Variants in UTP20 observed in about 807,000 individuals in gnomAD.
The protein encoded by UTP20 is UTP20 small subunit processome component, also known as small subunit processome component 20 homolog.
UTP20 carries 164 observed loss-of-function variants against 329.5 expected under a neutral mutation model. That is an observed-to-expected ratio of 0.50 (90% CI 0.44 to 0.57). The LOEUF (loss-of-function observed/expected upper bound fraction) is 0.57. Ranked by LOEUF, UTP20 falls within the 20% of genes least tolerant of loss-of-function variation. The probability of loss-of-function intolerance (pLI) is 0.00; values close to 1 mark genes in which losing one functional copy is unlikely to be tolerated. For missense variants in UTP20, 3,055 were observed against 3,284.2 expected (o/e 0.93, Z 1.71); for synonymous variants, 1,151 against 1,159.3 (o/e 0.99, Z 0.14).
intron 18 of UTP20, 31 bp downstream of exon 18, chr12:101,308,374 T>A (rs771699864): frequency 7.2e-7 from 1 of 1,382,614 alleles, no homozygotes; most frequent in South Asian, 2.1e-5. Context: ...TTTTTCCTTT[T>A]TAATTCATGC....
chr12:101,367,914 C>T lies in UTP20; in HGVS notation c.6322C>T (p.Leu2108=), dbSNP rs1302190196. 6.2e-7 allele frequency: 1 copy of T among 1,613,692 alleles called. No individual in the cohort carries two copies. Among genetic ancestry groups the T allele is most frequent in the African/African-American group, 1.3e-5 (1 of 74,876 alleles). ...SKIKSSGECV[L]EMLDPFVSLL... The stretch of plus-strand genomic sequence containing the variant: ...GATCAAGTCTTCAGGTGAATGTGTC[C>T]TGGAAATGCTGGATCCTTTTGTGTC... The change falls in exon 48 of 62, where the codon CTG becomes TTG. Residue 2108 remains leucine (L), a synonymous_variant. Coordinates refer to ENST00000261637, the MANE Select transcript of UTP20 (RefSeq NM_014503.3).
intron 7 of UTP20, among the ~76,000 whole-genome samples, chr12:101,290,491 G>C (rs192391478): frequency 6.6e-6 from 1 of 152,276 alleles, no homozygotes; most frequent in East Asian, 1.9e-4. Context: ...TGGATGCTAG[G>C]GGGTAAGATA....
intron 41 of UTP20, among the ~76,000 whole-genome samples, chr12:101,355,916 A>C (rs576494164): frequency 1.3e-5 from 2 of 152,326 alleles, no homozygotes; most frequent in African/African-American, 4.8e-5. Context: ...CACACGTTTT[A>C]TATGAGTTTC....
chr12:101,302,421 T>G, intron 14 of UTP20, 27 bp from the exon 15 acceptor site: 1 of 1,337,082 alleles, frequency 7.5e-7, no homozygotes, highest in Non-Finnish European at 1.1e-6. Context: ...ATAAGTAATG[T>G]GGTTTCTCCT....
At chr12:101,330,293 G>A (rs1270684584) in intron 27 of UTP20, among the ~76,000 whole-genome samples, 2 of 152,150 alleles carry the variant, frequency 1.3e-5, no homozygotes, top group Admixed American at 1.3e-4. Flanking sequence ...TCCCTGGTTG[G>A]GAATGGTCTT....
rs1869263995 is a variant in UTP20 at position 101,344,759 on chromosome 12, C to CT, written c.4605+12dup. The stretch of plus-strand genomic sequence containing the variant: ...TGAAGAGCCAGACAGAGGTATATAA[C>CT]TTTGTGTTTTAGGCACTACTGTCTG... On this transcript the variant is annotated intron_variant, in intron 36 of 61. Coordinates refer to ENST00000261637, the MANE Select transcript of UTP20 (RefSeq NM_014503.3). 6.2e-7 allele frequency: 1 copy of CT among 1,611,798 alleles called. No homozygotes were observed. The highest frequency in any genetic ancestry group is 1.3e-5 in the African/African-American group (1 of 74,740).
intron 32 of UTP20, 64 bp downstream of exon 32, chr12:101,340,674 C>A (rs7977402): frequency 2.0e-6 from 2 of 1,020,148 alleles, no homozygotes; most frequent in Non-Finnish European, 3.0e-6. Flanking sequence ...GGTTTAATTG[C>A]GAGCAGCAAT....
At position 101,290,167 on chromosome 12, in the gene UTP20, A is replaced by G. The variant is rs796192637; in HGVS notation, c.628A>G (p.Met210Val). ...TGATAAAAACGCACTTTTCAATTTA[A>G]TGTTTCTTGATCTTGATAAACATCC... ...VSDKNALFNLMFLDLDKHPEK... is the reference protein window; with the variant it reads ...VSDKNALFNLVFLDLDKHPEK... The change falls in exon 7 of 62, where the codon ATG (methionine) becomes GTG (valine). Residue 210 changes from methionine (M) to valine (V), a missense_variant. Coordinates refer to ENST00000261637, the MANE Select transcript of UTP20 (RefSeq NM_014503.3). 4 of 1,602,796 alleles carry G rather than the reference A, an allele frequency of 2.5e-6. No homozygotes were observed. In the Admixed American group the frequency reaches 6.8e-5, roughly 27 times the overall value.
intron 17 of UTP20, 76 bp from the exon 18 acceptor site, chr12:101,308,109 T>G (rs1348073849): frequency 7.6e-7 from 1 of 1,307,890 alleles, no homozygotes; most frequent in African/African-American, 1.5e-5. Context: ...TTTTAGACCT[T>G]TGGTCACATT....
intron 54 of UTP20, among the ~76,000 whole-genome samples, chr12:101,374,344 G>A (rs945628568): frequency 1.2e-4 from 18 of 152,212 alleles, no homozygotes; most frequent in African/African-American, 4.3e-4. Flanking sequence ...TACTTAACCA[G>A]CTCCTAATGA....
chr12:101,372,979 TAA>T lies in UTP20; in HGVS notation c.6878+17_6878+18del. 1.2e-6 allele frequency: 2 copies of T among 1,608,436 alleles called. No homozygotes were observed. Among genetic ancestry groups the T allele is most frequent in the Non-Finnish European group, 1.7e-6 (2 of 1,174,808 alleles). ...CTCAACTGAAGTAAGCTTAAGCTAT[TAA>T]CTACACAGGGGCGGAGGGTAGTTTC... On this transcript the variant is annotated intron_variant, in intron 52 of 61. Transcript: ENST00000261637.
At chr12:101,283,734 G>T (rs1871870411) in intron 2 of UTP20, among the ~76,000 whole-genome samples, 1 of 152,144 alleles carries the variant, frequency 6.6e-6, no homozygotes, top group Non-Finnish European at 1.5e-5. Flanking sequence ...TTGAAAAATA[G>T]AGATAGGATC....
chr12:101,311,655 T>TTA, intron 19 of UTP20, 64 bp from the exon 20 acceptor site: 1 of 1,301,810 alleles, frequency 7.7e-7, no homozygotes, highest in Non-Finnish European at 1.0e-6. Context: ...TTTTTTTTTT[T>TTA]CTATGAGCAA....
In UTP20 at chr12:101,365,502, A is replaced by C; in HGVS notation, c.6002A>C (p.His2001Pro). Residue 2001 changes from histidine (H) to proline (P), a missense_variant, in exon 46 of 62, where the codon CAT (histidine) becomes CCT (proline). Transcript: ENST00000261637. ...AGTTTGAAACTGGCCCGGAAAGTTC[A>C]TGAAACTTTACGCCGAATCACAGTG... is the stretch of plus-strand genomic sequence containing the variant. ...TTSLKLARKVHETLRRITVGL... is the reference protein window; with the variant it reads ...TTSLKLARKVPETLRRITVGL... The C allele has an allele frequency of 6.2e-7, 1 of 1,611,784 alleles. No homozygotes were observed.
chr12:101,314,482 C>A (rs1331775536), intron 21 of UTP20, among the ~76,000 whole-genome samples: 1 of 151,840 alleles, frequency 6.6e-6, no homozygotes, highest in East Asian at 2.0e-4. Context: ...CACGGTGAAA[C>A]CCTGTCTGTA....
rs1464502003 is a variant in UTP20 at position 101,345,713 on chromosome 12, T to A, written c.4746+19T>A. 2 of 1,598,834 alleles carry A rather than the reference T, an allele frequency of 1.3e-6. No individual in the cohort carries two copies. The highest frequency in any genetic ancestry group is 3.6e-5 in the Admixed American group (2 of 55,870). Reference sequence around the variant, plus strand: ...CATTCAGGTAGAAGACAATTCTGCTTTTTCCTACCTACGACATAAGCATAC... The same window carrying A: ...CATTCAGGTAGAAGACAATTCTGCTATTTCCTACCTACGACATAAGCATAC... On this transcript the variant is annotated intron_variant, in intron 37 of 61. Coordinates refer to ENST00000261637, the MANE Select transcript of UTP20 (RefSeq NM_014503.3).
intron 15 of UTP20, 55 bp downstream of exon 15, chr12:101,302,608 T>C: frequency 8.3e-7 from 1 of 1,206,740 alleles, no homozygotes; most frequent in Non-Finnish European, 1.2e-6. Context: ...AAAGCCTCTA[T>C]TGTTGTGAAA....
Position 101,386,082 on chromosome 12 carries a change from CAAA to C in UTP20, c.8321_8323del (p.Lys2774del). The C allele has an allele frequency of 6.2e-7, 1 of 1,606,798 alleles. No individual in the cohort carries two copies. The highest frequency in any genetic ancestry group is 8.5e-7 in the Non-Finnish European group (1 of 1,178,622). On this transcript the variant is annotated inframe_deletion, in exon 62 of 62. Transcript: ENST00000261637. Reference sequence around the variant, plus strand: ...GCGTCCAGGATATAAGGCCAAGAGACAAAAAAGCCATAGCCTGAAAGATTTAGC... The same window carrying C: ...GCGTCCAGGATATAAGGCCAAGAGACAAAGCCATAGCCTGAAAGATTTAGC...
intron 38 of UTP20, among the ~76,000 whole-genome samples, chr12:101,347,821 A>T (rs1164927960): frequency 6.6e-6 from 1 of 152,120 alleles, no homozygotes; most frequent in Non-Finnish European, 1.5e-5. Flanking sequence ...GCTTTGGTTG[A>T]TGTTCACATG....
Sources: gnomAD v4.1 joint callset for allele counts (sites outside exome capture counted in the v4.1 genomes callset) on GRCh38, gnomAD v4.1.1 for gene constraint, MANE v1.5 for transcripts, NCBI Gene and HGNC (gene_info 2026-07-23, HGNC 2026-07-21) for gene names.